The following TJP3 variants were observed in gnomAD, a reference collection of about 807,000 sequenced individuals.
The protein encoded by TJP3 is tight junction protein ZO-3.
In TJP3, 85 loss-of-function variants were observed where a neutral mutation model predicts 104.2. That is an observed-to-expected ratio of 0.82 (90% CI 0.68 to 0.98). TJP3 has a LOEUF of 0.98. Among genes scored for constraint, TJP3 ranks in the 50% least tolerant of loss-of-function variants. TJP3 has a pLI of 0.00. For missense variants in TJP3, 1,367 were observed against 1,322.8 expected (o/e 1.03, Z -0.52); for synonymous variants, 550 against 550.6 (o/e 1.00, Z 0.02).
Position 3,730,281 on chromosome 19 carries a change from G to T in TJP3, c.262-74G>T. 6.7e-7 allele frequency: 1 copy of T among 1,492,728 alleles called. No individual in the cohort carries two copies. The highest frequency in any genetic ancestry group is 9.0e-7 in the Non-Finnish European group (1 of 1,105,898). 92.5% of individuals were successfully genotyped at this position (1,492,728 alleles called of 1,614,324 possible). On this transcript the variant is annotated intron_variant, in intron 4 of 20. Coordinates refer to ENST00000541714, the MANE Select transcript of TJP3 (RefSeq NM_001267560.2). The surrounding 1 kb of genome is among the most constrained non-coding windows in gnomAD (Gnocchi z 7.3). ...CAGAGAGAGACTGGTGTCCCCCAGG[G>T]CCACCCGGGGGCTGAGCAGAGCCTC... is the stretch of plus-strand genomic sequence containing the variant.
At chr19:3,719,378 G>A (rs2036521323) in intron 1 of TJP3, among the ~76,000 whole-genome samples, 1 of 152,030 alleles carries the variant, frequency 6.6e-6, no homozygotes, top group African/African-American at 2.4e-5. Context: ...GGGGCTCCAG[G>A]AACCCATGCT....
rs751271240 is a variant in TJP3, at chr19:3,739,075, G to A, written c.1572G>A (p.Ala524=). The part of the protein sequence containing the change: ...QSHARGGHWL[A]VRMGRDLREQ... ...ACGCACGAGGAGGCCACTGGCTGGC[G>A]GTGCGCATGGGTCGTGACCTGCGGG... The change falls in exon 13 of 21, where the codon GCG becomes GCA. Residue 524 remains alanine, a synonymous_variant. Coordinates refer to ENST00000541714, the MANE Select transcript of TJP3 (RefSeq NM_001267560.2). 27 of 1,605,026 alleles carry A rather than the reference G, an allele frequency of 1.7e-5. No individual in the cohort carries two copies. Among genetic ancestry groups the A allele is most frequent in the Middle Eastern group, 3.6e-4 (2 of 5,606 alleles).
Position 3,746,917 on chromosome 19 carries a change from C to T in TJP3, c.2322+41C>T, listed in dbSNP as rs1352381753. 1 of 1,542,236 alleles carries T rather than the reference C, an allele frequency of 6.5e-7. No individual in the cohort carries two copies. Reference sequence around the variant, plus strand: ...GGGTGGGTCGGGCAGGGAGGCCCCACAGACGCTGTGCAGGCCCAGCTGGGG... The same window carrying T: ...GGGTGGGTCGGGCAGGGAGGCCCCATAGACGCTGTGCAGGCCCAGCTGGGG... On this transcript the variant is annotated intron_variant, in intron 18 of 20. Transcript: ENST00000541714. This position sits in a 1 kb window ranked among gnomAD's most constrained non-coding sequence, Gnocchi z 4.1.
chr19:3,733,933 A>C, intron 7 of TJP3, 21 bp downstream of exon 7: 2 of 1,610,652 alleles, frequency 1.2e-6, no homozygotes, highest in Non-Finnish European at 1.7e-6. Flanking sequence ...AGAGGTTAGG[A>C]CCTGGGAGGG....
rs867404689 is a variant in TJP3 at position 3,714,467 on chromosome 19, C to T, written c.-10+5906C>T. ...TGCTGGGATTACAGATGTGAGCCACCGCGCCCAGCCCGTTCTTTTAGTATT... is the reference window on the plus strand; with the variant it reads ...TGCTGGGATTACAGATGTGAGCCACTGCGCCCAGCCCGTTCTTTTAGTATT... On this transcript the variant is annotated intron_variant, in intron 1 of 20. Coordinates refer to ENST00000541714, the MANE Select transcript of TJP3 (RefSeq NM_001267560.2). 5.9e-5 allele frequency among the ~76,000 whole-genome samples: 9 copies of T among 151,708 alleles called. No homozygotes were observed. The South Asian group carries it at 1.3e-3, about 21-fold the overall frequency.
chr19:3,739,221 G>A (rs1230463806), intron 13 of TJP3, 87 bp downstream of exon 13: 1 of 1,284,946 alleles, frequency 7.8e-7, no homozygotes, highest in Admixed American at 2.4e-5. Flanking sequence ...GCTGGACGCG[G>A]TGGCTCAGGC....
chr19:3,717,309 G>A (rs1298398317), intron 1 of TJP3, among the ~76,000 whole-genome samples: 3 of 135,978 alleles, frequency 2.2e-5, no homozygotes, highest in Non-Finnish European at 3.4e-5. Context: ...CACCATGTTG[G>A]CCAGGCTGGT....
At chr19:3,747,349 C>G (rs2145706393) in intron 18 of TJP3, among the ~76,000 whole-genome samples, 1 of 152,254 alleles carries the variant, frequency 6.6e-6, no homozygotes, top group South Asian at 2.1e-4. Flanking sequence ...GCCTGAGCCA[C>G]CGCGCCCAGC....
chr19:3,732,101 A>AACC, intron 6 of TJP3, 63 bp downstream of exon 6: 1 of 1,379,898 alleles, frequency 7.2e-7, no homozygotes, highest in Non-Finnish European at 1.0e-6. Context: ...GGGCAGTCCC[A>AACC]CGGAGTCATA....
chr19:3,743,942 G>C lies in TJP3; in HGVS notation c.1847G>C (p.Ser616Thr). Reference protein sequence around the residue: ...PYERVVLREASFKRPVVILGP... With the variant: ...PYERVVLREATFKRPVVILGP... Reference sequence around the variant, plus strand: ...TCACTGTGTCTCTACCCCTCAGCCAGTTTCAAGCGCCCGGTAGTGATCCTG... The same window carrying C: ...TCACTGTGTCTCTACCCCTCAGCCACTTTCAAGCGCCCGGTAGTGATCCTG... Residue 616 changes from serine to threonine, a missense_variant, in exon 15 of 21, where the codon AGT (serine) becomes ACT (threonine). Coordinates refer to ENST00000541714, the MANE Select transcript of TJP3 (RefSeq NM_001267560.2). 1 of 1,614,136 alleles carries C rather than the reference G, an allele frequency of 6.2e-7. No homozygotes were observed. The highest frequency in any genetic ancestry group is 8.5e-7 in the Non-Finnish European group (1 of 1,180,022).
chr19:3,738,554 G>C lies in TJP3; in HGVS notation c.1285-1G>C, dbSNP rs758040287. On this transcript the variant is annotated splice_acceptor_variant, in intron 11 of 20. Coordinates refer to ENST00000541714, the MANE Select transcript of TJP3 (RefSeq NM_001267560.2). LOFTEE classifies it high-confidence loss of function. ...CTATAGCTGCACTTGCTTTCTGGCAGGTGAATGACGTGCCATTCCAGAACC... is the reference window on the plus strand; with the variant it reads ...CTATAGCTGCACTTGCTTTCTGGCACGTGAATGACGTGCCATTCCAGAACC... 6.2e-7 allele frequency: 1 copy of C among 1,612,494 alleles called. No homozygotes were observed. The highest frequency in any genetic ancestry group is 8.5e-7 in the Non-Finnish European group (1 of 1,178,992).
intron 14 of TJP3, among the ~76,000 whole-genome samples, chr19:3,741,895 G>C (rs961800794): frequency 2.6e-5 from 4 of 151,184 alleles, no homozygotes; most frequent in African/African-American, 7.3e-5. Flanking sequence ...ACTTGAACCC[G>C]GGAGGCAGAG....
chr19:3,736,234 C>A lies in TJP3; in HGVS notation c.1197C>A (p.Gly399=). 6.3e-7 allele frequency: 1 copy of A among 1,587,604 alleles called. No individual in the cohort carries two copies. Among genetic ancestry groups the A allele is most frequent in the Non-Finnish European group, 8.6e-7 (1 of 1,166,476 alleles). Residue 399 remains glycine, a synonymous_variant, in exon 11 of 21, where the codon GGC becomes GGA. Coordinates refer to ENST00000541714, the MANE Select transcript of TJP3 (RefSeq NM_001267560.2). ...GKSIGLRLAG[G]NDVGIFVSGV... The stretch of plus-strand genomic sequence containing the variant: ...GCATCGGGCTGCGGCTGGCAGGGGG[C>A]AATGACGTGGGCATCTTCGTGTCCG...
chr19:3,738,553 A>G lies in TJP3; in HGVS notation c.1285-2A>G. On this transcript the variant is annotated splice_acceptor_variant, in intron 11 of 20. Coordinates refer to ENST00000541714, the MANE Select transcript of TJP3 (RefSeq NM_001267560.2). LOFTEE classifies it high-confidence loss of function. ...TCTATAGCTGCACTTGCTTTCTGGCAGGTGAATGACGTGCCATTCCAGAAC... is the reference window on the plus strand; with the variant it reads ...TCTATAGCTGCACTTGCTTTCTGGCGGGTGAATGACGTGCCATTCCAGAAC... 1 of 1,612,100 alleles carries G rather than the reference A, an allele frequency of 6.2e-7. No homozygotes were observed. Among genetic ancestry groups the G allele is most frequent in the Non-Finnish European group, 8.5e-7 (1 of 1,178,754 alleles).
chr19:3,718,546 G>A (rs2036513166), intron 1 of TJP3, among the ~76,000 whole-genome samples: 1 of 151,088 alleles, frequency 6.6e-6, no homozygotes, highest in Non-Finnish European at 1.5e-5. Flanking sequence ...TTGGCTGACT[G>A]CAACCTCTGC....
chr19:3,723,279 G>A (rs777071372), intron 1 of TJP3, among the ~76,000 whole-genome samples: 1 of 152,110 alleles, frequency 6.6e-6, no homozygotes, highest in African/African-American at 2.4e-5. Flanking sequence ...ATATGCGTAC[G>A]GAGGAAGAGG....
chr19:3,750,600 C>A lies in TJP3; in HGVS notation c.2676C>A (p.Ala892=). The change falls in exon 21 of 21, where the codon GCC becomes GCA. Residue 892 remains alanine (A), a synonymous_variant. Transcript: ENST00000541714. ...TCCCCAGAACCTATGAACGGGAAGC[C>A]CTGAAGAAAAAGTTTATGCGAGTAC... ...QDSMRTYERE[A]LKKKFMRVHD... The A allele has an allele frequency of 6.2e-7, 1 of 1,607,646 alleles. No individual in the cohort carries two copies. The highest frequency in any genetic ancestry group is 8.5e-7 in the Non-Finnish European group (1 of 1,177,078).
intron 1 of TJP3, among the ~76,000 whole-genome samples, chr19:3,714,009 A>T (rs2036455466): frequency 7.0e-6 from 1 of 141,984 alleles, no homozygotes; most frequent in Non-Finnish European, 1.5e-5. Flanking sequence ...ACAGGGGTGA[A>T]CCACCACGCC....
Position 3,738,647 on chromosome 19 carries a change from G to T in TJP3, c.1377G>T (p.Thr459=). The T allele has an allele frequency of 6.2e-7, 1 of 1,613,566 alleles. No homozygotes were observed. Among genetic ancestry groups the T allele is most frequent in the Non-Finnish European group, 8.5e-7 (1 of 1,179,854 alleles). Residue 459 remains threonine, a synonymous_variant, in exon 12 of 21, where the codon ACG becomes ACT. Coordinates refer to ENST00000541714, the MANE Select transcript of TJP3 (RefSeq NM_001267560.2). The stretch of plus-strand genomic sequence containing the variant: ...CAGGCGAGGAGATGGAGCTGGTGAC[G>T]CAGAGGAAGCAGGACAGTGAGTGCG... ...LPPGEEMELV[T]QRKQDIFWKM...
Sources: allele counts gnomAD v4.1 joint callset (sites outside exome capture counted in the v4.1 genomes callset), GRCh38; gene constraint gnomAD v4.1.1; non-coding constraint Gnocchi (gnomAD v3.1); transcripts MANE v1.5; gene names NCBI Gene and HGNC (gene_info 2026-07-23, HGNC 2026-07-21).